Variants in CHAF1A observed in about 807,000 individuals in gnomAD.
CHAF1A encodes the protein chromatin assembly factor 1 subunit A.
Under a neutral mutation model 93.2 loss-of-function variants are expected in CHAF1A, and 5 were observed. That is an observed-to-expected ratio of 0.05 (90% CI 0.03 to 0.11). CHAF1A has a LOEUF of 0.11. Ranked by LOEUF, CHAF1A falls within the 10% of genes least tolerant of loss-of-function variation. CHAF1A has a pLI of 1.00. For missense variants in CHAF1A, 1,102 were observed against 1,259.9 expected, an observed-to-expected ratio of 0.87 and a Z score of 1.90; for synonymous variants, 504 against 510.3, an observed-to-expected ratio of 0.99 and a Z score of 0.17.
At chr19:4,404,592 G>A (rs1034412568) in intron 1 of CHAF1A, among the ~76,000 whole-genome samples, 1 of 152,136 alleles carries the variant, frequency 6.6e-6, no homozygotes, top group Admixed American at 6.6e-5. Context: ...CTAAGCTTGG[G>A]GCGGTGGGTG....
At chr19:4,446,623 A>C, downstream of CHAF1A, 4 of 1,612,526 alleles carry the variant, frequency 2.5e-6, no homozygotes, top group Non-Finnish European at 2.5e-6. Context: ...CTTGGCGCGC[A>C]CGGGCTCCGC....
At position 4,423,223 on chromosome 19, in the gene CHAF1A, A is replaced by C. The variant is rs1240134451; in HGVS notation, c.1248-112A>C. ...CTTATACTAGACATGAAAATAACTT[A>C]TATTCATTTAATGTAAAATGAAATA... On this transcript the variant is annotated intron_variant, in intron 5 of 14. Transcript: ENST00000301280. 2.7e-6 allele frequency: 4 copies of C among 1,463,570 alleles called. No homozygotes were observed. The African/African-American group carries it at 4.3e-5, about 16-fold the overall frequency. 90.7% of individuals were successfully genotyped at this position (1,463,570 alleles called of 1,614,324 possible).
Position 4,432,050 on chromosome 19 carries a change from A to C in CHAF1A, c.2046A>C (p.Gln682His), listed in dbSNP as rs780067416. 1.9e-6 allele frequency: 3 copies of C among 1,613,960 alleles called. No individual in the cohort carries two copies. In the African/African-American group the frequency reaches 4.0e-5, roughly 22 times the overall value. Residue 682 changes from glutamine (Q) to histidine (H), a missense_variant, in exon 12 of 15, where the codon CAA (glutamine) becomes CAC (histidine). Transcript: ENST00000301280. ...LAKGKRFRVLQPVKIGCVWAA... is the reference protein window; with the variant it reads ...LAKGKRFRVLHPVKIGCVWAA... ...AGGGGAAGCGCTTTCGCGTCCTGCA[A>C]CCTGTGAAGATCGGCTGCGTGTGGG...
intron 13 of CHAF1A, among the ~76,000 whole-genome samples, chr19:4,437,159 A>AAT (rs144217739): frequency 0.031 from 4,691 of 152,118 alleles, 249 homozygotes; most frequent in African/African-American, 0.11. Flanking sequence ...CACGTGAAGG[A>AAT]ATGGAGACCC....
In CHAF1A at chr19:4,428,656, G is replaced by T. The variant is rs1472417046; in HGVS notation, c.1378-8G>T. On this transcript the variant is annotated splice_polypyrimidine_tract_variant and splice_region_variant and intron_variant, in intron 7 of 14. Transcript: ENST00000301280. The stretch of plus-strand genomic sequence containing the variant: ...CGAAGACCCCATCGGGTCTCTTCTT[G>T]ATTTCAGACCCTGGCCGGCTCCTGT... 1 of 1,612,556 alleles carries T rather than the reference G, an allele frequency of 6.2e-7. No homozygotes were observed. Among genetic ancestry groups the T allele is most frequent in the Non-Finnish European group, 8.5e-7 (1 of 1,178,696 alleles).
At chr19:4,408,231 C>T (rs1367005402) in intron 2 of CHAF1A, among the ~76,000 whole-genome samples, 4 of 148,644 alleles carry the variant, frequency 2.7e-5, no homozygotes, top group Admixed American at 6.7e-5. Flanking sequence ...TCGCTCAGGT[C>T]GCCCAGGCTG....
At chr19:4,446,606 T>C, downstream of CHAF1A, 2 of 1,612,726 alleles carry the variant, frequency 1.2e-6, no homozygotes, top group Non-Finnish European at 1.7e-6. Flanking sequence ...CGGCGCTGCC[T>C]GTCCAGCTTG....
chr19:4,416,056 C>T (rs1490252271), intron 3 of CHAF1A, among the ~76,000 whole-genome samples: 2 of 152,174 alleles, frequency 1.3e-5, no homozygotes, highest in East Asian at 3.8e-4. Flanking sequence ...CACCTATAGT[C>T]CCAGCTACTG....
At position 4,433,655 on chromosome 19, in the gene CHAF1A, C is replaced by A; in HGVS notation, c.2673+116C>A. On this transcript the variant is annotated intron_variant, in intron 13 of 14. Transcript: ENST00000301280. The surrounding 1 kb of genome is among the most constrained non-coding windows in gnomAD (Gnocchi z 5.6). ...CTGCTCTGTCACCCAGGCTGGAGTG[C>A]AGTGGCGCAATCTCAGCTCACTGCA... The A allele has an allele frequency of 1.2e-6, 1 of 829,040 alleles. No individual in the cohort carries two copies. Among genetic ancestry groups the A allele is most frequent in the Non-Finnish European group, 1.9e-6 (1 of 538,484 alleles). The allele number at this position is 829,040 out of a possible 1,614,324, so 51.4% of individuals were successfully genotyped here. A position where few individuals can be genotyped will look rare whatever the true frequency, so the allele number is the denominator to read the frequency against.
downstream of CHAF1A, chr19:4,446,780 C>T: frequency 1.9e-6 from 3 of 1,613,290 alleles, no homozygotes; most frequent in East Asian, 2.2e-5. Context: ...GCCGGGCCCT[C>T]CTGCCCCGAG....
intron 2 of CHAF1A, among the ~76,000 whole-genome samples, chr19:4,408,663 C>T (rs980829650): frequency 2.6e-5 from 4 of 151,302 alleles, no homozygotes; most frequent in Non-Finnish European, 5.9e-5. Flanking sequence ...TTAGAAAAGA[C>T]GGGGTTTCAC....
chr19:4,428,403 T>C (rs1974122482), intron 7 of CHAF1A, among the ~76,000 whole-genome samples: 1 of 151,710 alleles, frequency 6.6e-6, no homozygotes, highest in Non-Finnish European at 1.5e-5. Flanking sequence ...CTAACCATAA[T>C]GAAGATAAAC....
rs564940635 is a variant in CHAF1A at position 4,412,695 on chromosome 19, C to T, written c.960+2936C>T. The stretch of plus-strand genomic sequence containing the variant: ...TTCTAAAACAACTGAGCACATGAAC[C>T]CAGTGTGCAACATTTAGGAAACCCT... On this transcript the variant is annotated intron_variant, in intron 3 of 14. Coordinates refer to ENST00000301280, the MANE Select transcript of CHAF1A (RefSeq NM_005483.3). Among the ~76,000 whole-genome samples the T allele has an allele frequency of 4.6e-5, 7 of 152,326 alleles. No homozygotes were observed. In the East Asian group the frequency reaches 1.4e-3, roughly 29 times the overall value.
Position 4,429,489 on chromosome 19 carries a change from G to C in CHAF1A, c.1656G>C (p.Arg552Ser). The C allele has an allele frequency of 6.2e-7, 1 of 1,614,032 alleles. No individual in the cohort carries two copies. The highest frequency in any genetic ancestry group is 2.2e-5 in the East Asian group (1 of 44,876). ...AGGGCGACGGTGTTCCCGAGAGGAG[G>C]AAGTTTGGCAGGATGAAGCTCCTGC... ...RGKGDGVPER[R>S]KFGRMKLLQF... The change falls in exon 9 of 15, where the codon AGG (arginine) becomes AGC (serine). Residue 552 changes from arginine to serine, a missense_variant. Around this residue, in one of 6 missense-constraint regions of CHAF1A, gnomAD observed 335 missense variants for 361.9 expected, o/e 0.93. Coordinates refer to ENST00000301280, the MANE Select transcript of CHAF1A (RefSeq NM_005483.3).
rs747750687 is a variant in CHAF1A at position 4,427,136 on chromosome 19, C to CTTTTTTTTTTTTTTTTTTTTTTT, written c.1378-1519_1378-1497dup. On this transcript the variant is annotated intron_variant, in intron 7 of 14. Transcript: ENST00000301280. The stretch of plus-strand genomic sequence containing the variant: ...GTGATCTTTCAAAAAAAGACCCTGT[C>CTTTTTTTTTTTTTTTTTTTTTTT]TTTTTTTTTTTTTTTTTTTTTTTTT... 4.4e-4 allele frequency among the ~76,000 whole-genome samples: 14 copies of CTTTTTTTTTTTTTTTTTTTTTTT among 31,948 alleles called. 3 individuals are homozygous for CTTTTTTTTTTTTTTTTTTTTTTT. The highest frequency in any genetic ancestry group is 4.5e-4 in the Non-Finnish European group (9 of 20,174). 21.0% of individuals were successfully genotyped at this position (31,948 alleles called of 152,430 possible). A position where few individuals can be genotyped will look rare whatever the true frequency, so the allele number is the denominator to read the frequency against.
In CHAF1A at chr19:4,409,703, C is replaced by T. The variant is rs749585838; in HGVS notation, c.904C>T (p.Pro302Ser). Residue 302 changes from proline to serine, a missense_variant, in exon 3 of 15, where the codon CCC becomes TCC. Coordinates refer to ENST00000301280, the MANE Select transcript of CHAF1A (RefSeq NM_005483.3). The stretch of plus-strand genomic sequence containing the variant: ...CAGCTCGCCCGAGGGGCCGCCTGCT[C>T]CCCCAAAGCAGCACAGCAGTACCAG... ...STSSPEGPPA[P>S]PKQHSSTSPF... The T allele has an allele frequency of 2.5e-6, 4 of 1,614,106 alleles. No individual in the cohort carries two copies. The East Asian group carries it at 6.7e-5, about 27-fold the overall frequency.
At chr19:4,412,142 GTC>G (rs1973816847) in intron 3 of CHAF1A, among the ~76,000 whole-genome samples, 1 of 152,302 alleles carries the variant, frequency 6.6e-6, no homozygotes, top group South Asian at 2.1e-4. Context: ...CAGAGTTGAA[GTC>G]TCTCCCCATT....
chr19:4,402,841 A>G (rs966581581), intron 1 of CHAF1A, 27 bp downstream of exon 1: 29 of 1,187,688 alleles, frequency 2.4e-5, no homozygotes, highest in Non-Finnish European at 2.8e-5. Flanking sequence ...GCCGAGGGGA[A>G]GGGGGGGCGC....
chr19:4,408,399 A>T (rs1056351423), intron 2 of CHAF1A, among the ~76,000 whole-genome samples: 4 of 136,606 alleles, frequency 2.9e-5, no homozygotes. Flanking sequence ...TCACCGTGTT[A>T]GCCAGGATGG....
Sources: allele counts gnomAD v4.1 joint callset (sites outside exome capture counted in the v4.1 genomes callset), GRCh38; gene constraint gnomAD v4.1.1; regional missense constraint gnomAD v4.1.1; non-coding constraint Gnocchi (gnomAD v3.1); transcripts MANE v1.5; gene names NCBI Gene and HGNC (gene_info 2026-07-23, HGNC 2026-07-21).